Variants in SAR1B observed in about 807,000 individuals in gnomAD.
SAR1B encodes the protein small COPII coat GTPase SAR1B.
A neutral mutation model predicts 26.8 loss-of-function variants in SAR1B; 23 were observed. That is an observed-to-expected ratio of 0.86 (90% CI 0.62 to 1.22). The LOEUF (loss-of-function observed/expected upper bound fraction) is 1.22, where lower values mean the gene tolerates loss of function less well. Ranked by LOEUF, SAR1B falls within the 50% of genes most tolerant of loss-of-function variation. The probability of loss-of-function intolerance (pLI) is 0.00; values close to 1 mark genes in which losing one functional copy is unlikely to be tolerated. For synonymous variants in SAR1B, 65 were observed against 80.8 expected, an observed-to-expected ratio of 0.80 and a Z score of 1.05; for missense variants, 196 against 232.8, an observed-to-expected ratio of 0.84 and a Z score of 1.03.
intron 1 of SAR1B, among the ~76,000 whole-genome samples, chr5:134,630,284 T>C (rs1765579034): frequency 6.7e-6 from 1 of 150,356 alleles, no homozygotes; most frequent in Non-Finnish European, 1.5e-5. Context: ...GGAAAAATCT[T>C]GTTTCTACTA....
At chr5:134,622,700 G>A (rs1253512542) in intron 2 of SAR1B, among the ~76,000 whole-genome samples, 3 of 150,722 alleles carry the variant, frequency 2.0e-5, no homozygotes, top group Non-Finnish European at 3.0e-5. Flanking sequence ...GTGAGCCACC[G>A]CGCCCGGCCT....
chr5:134,616,967 C>A (rs556920943), intron 3 of SAR1B, among the ~76,000 whole-genome samples: 3 of 152,138 alleles, frequency 2.0e-5, no homozygotes, highest in African/African-American at 7.2e-5. Flanking sequence ...TATGGTGGCT[C>A]ACACTTGTAA....
rs1388312430 is a variant in SAR1B at position 134,606,682 on chromosome 5, T to C, written c.*268A>G. The C allele has an allele frequency of 1.6e-5, 6 of 380,372 alleles. No individual in the cohort carries two copies. Among genetic ancestry groups the C allele is most frequent in the African/African-American group, 4.1e-5 (2 of 48,752 alleles). The allele number at this position is 380,372 out of a possible 1,614,324, so 23.6% of individuals were successfully genotyped here. On this transcript the variant is annotated 3_prime_UTR_variant, in exon 7 of 7. Transcript: ENST00000402673. Reference sequence around the variant, plus strand: ...TTCAAATGTACTGCTGGAAAGTTGCTCTTTACAAATGGCGCTGGGGTGATG... The same window carrying C: ...TTCAAATGTACTGCTGGAAAGTTGCCCTTTACAAATGGCGCTGGGGTGATG...
intron 1 of SAR1B, among the ~76,000 whole-genome samples, chr5:134,630,604 G>A (rs1045697367): frequency 6.6e-6 from 1 of 151,054 alleles, no homozygotes; most frequent in African/African-American, 2.4e-5. Flanking sequence ...CCAACATGGT[G>A]AAACCCCATC....
At chr5:134,624,196 G>C (rs750496750) in intron 1 of SAR1B, among the ~76,000 whole-genome samples, 159 bp from the exon 2 acceptor site, 13 of 152,086 alleles carry the variant, frequency 8.5e-5, no homozygotes, top group Non-Finnish European at 1.3e-4. Flanking sequence ...ATCATCTGAG[G>C]TCAGAAGTTT....
intron 6 of SAR1B, among the ~76,000 whole-genome samples, chr5:134,607,571 G>A (rs1420828197): frequency 6.6e-6 from 1 of 151,918 alleles, no homozygotes; most frequent in Non-Finnish European, 1.5e-5. Flanking sequence ...TCAGGAGTTC[G>A]AGACCAGACT....
intron 6 of SAR1B, among the ~76,000 whole-genome samples, chr5:134,608,058 T>C (rs187741464): frequency 6.6e-6 from 1 of 152,346 alleles, no homozygotes; most frequent in East Asian, 1.9e-4. Flanking sequence ...ACTACTGGTA[T>C]ACTTAAACAC....
At chr5:134,611,686 A>C (rs1331371722) in intron 4 of SAR1B, among the ~76,000 whole-genome samples, 1 of 152,186 alleles carries the variant, frequency 6.6e-6, no homozygotes, top group Non-Finnish European at 1.5e-5. Flanking sequence ...AAGTGCTATG[A>C]AGTATAGCTG....
chr5:134,614,925 T>C (rs1765282496), intron 3 of SAR1B: 1 of 152,190 alleles, frequency 6.6e-6, no homozygotes, highest in Non-Finnish European at 1.5e-5. Context: ...TTTTGTCCGG[T>C]TTTCTAGTTG....
At chr5:134,629,933 C>T (rs186330181) in intron 1 of SAR1B, among the ~76,000 whole-genome samples, 50 of 151,134 alleles carry the variant, frequency 3.3e-4, no homozygotes, top group African/African-American at 1.1e-3. Flanking sequence ...AGGATAAAAC[C>T]ATGACAAATA....
chr5:134,607,725 T>C (rs1765150598), intron 6 of SAR1B, among the ~76,000 whole-genome samples: 1 of 150,848 alleles, frequency 6.6e-6, no homozygotes, highest in Non-Finnish European at 1.5e-5. Context: ...TGAGCCGAGA[T>C]TGCACCATTG....
Position 134,612,744 on chromosome 5 carries a change from A to T in SAR1B, c.191T>A (p.Leu64Gln). 6.4e-7 allele frequency: 1 copy of T among 1,571,058 alleles called. No individual in the cohort carries two copies. Among genetic ancestry groups the T allele is most frequent in the Non-Finnish European group, 8.7e-7 (1 of 1,155,932 alleles). The change falls in exon 4 of 7, where the codon CTG (leucine) becomes CAG (glutamine). Residue 64 changes from leucine (L) to glutamine (Q), a missense_variant. Physicochemically the swap from Leu to Gln is moderately radical, Grantham distance 113 (BLOSUM62 -2). Coordinates refer to ENST00000402673, the MANE Select transcript of SAR1B (RefSeq NM_016103.4). ...VPTLHPTSEE[L>Q]TIAGMTFTTF... Reference sequence around the variant, plus strand: ...TGTAAACGTCATGCCAGCAATGGTCAGTTCTTCGGAAGCTAAATAAGATTT... The same window carrying T: ...TGTAAACGTCATGCCAGCAATGGTCTGTTCTTCGGAAGCTAAATAAGATTT...
intron 3 of SAR1B, chr5:134,614,549 T>A (rs766849222): frequency 4.6e-5 from 7 of 152,230 alleles, no homozygotes; most frequent in Non-Finnish European, 7.3e-5. Context: ...AGTAATTATT[T>A]GGCTAACAGC....
chr5:134,623,121 CAAAAAAA>C (rs70976543), intron 2 of SAR1B, among the ~76,000 whole-genome samples: 7 of 113,924 alleles, frequency 6.1e-5, no homozygotes, highest in East Asian at 6.0e-4. Flanking sequence ...GACTCTGTCT[CAAAAAAA>C]AAAAAAAAGA....
At chr5:134,609,124 A>C (rs1456184654) in intron 5 of SAR1B, 1 of 456,838 alleles carries the variant, frequency 2.2e-6, no homozygotes, top group Non-Finnish European at 4.4e-6. Flanking sequence ...CCCTTTACAA[A>C]ATATCTGACC....
At chr5:134,611,104 C>T (rs1765205805) in intron 4 of SAR1B, among the ~76,000 whole-genome samples, 1 of 152,048 alleles carries the variant, frequency 6.6e-6, no homozygotes, top group South Asian at 2.1e-4. Flanking sequence ...TTCAAGTGAT[C>T]CTCCCAACCT....
intron 1 of SAR1B, among the ~76,000 whole-genome samples, chr5:134,626,859 TTAGA>T (rs1462319023): frequency 1.3e-5 from 2 of 152,188 alleles, no homozygotes; most frequent in African/African-American, 4.8e-5. Context: ...TGTTCTGGAA[TTAGA>T]TAGTGGTGAT....
At chr5:134,624,107 A>T (rs1028385102) in intron 1 of SAR1B, 70 bp from the exon 2 acceptor site, 3 of 856,464 alleles carry the variant, frequency 3.5e-6, no homozygotes, top group Admixed American at 1.8e-5. Context: ...CAATACTGTT[A>T]AACACCAACT....
intron 3 of SAR1B, among the ~76,000 whole-genome samples, chr5:134,618,938 C>T (rs1372005490): frequency 6.6e-6 from 1 of 150,834 alleles, no homozygotes; most frequent in Non-Finnish European, 1.5e-5. Flanking sequence ...GCAGAGGTTG[C>T]AGGGAGCCGA....
Sources: gnomAD v4.1 joint callset for allele counts (sites outside exome capture counted in the v4.1 genomes callset) on GRCh38, gnomAD v4.1.1 for gene constraint, MANE v1.5 for transcripts, NCBI Gene and HGNC (gene_info 2026-07-23, HGNC 2026-07-21) for gene names.